Variants in NWD1 observed in about 807,000 individuals in gnomAD.
NWD1 encodes NACHT and WD repeat domain containing 1, also known as NACHT domain- and WD repeat-containing protein 1.
In NWD1, 129 loss-of-function variants were observed where a neutral mutation model predicts 135.1. That is an observed-to-expected ratio of 0.96 (90% CI 0.83 to 1.11). NWD1 has a LOEUF of 1.11. NWD1 is among the 50% of genes least tolerant of loss of function. The pLI, the probability that NWD1 is intolerant of heterozygous loss-of-function variation, is 0.00. For missense variants in NWD1, 1,740 were observed against 1,851.3 expected (o/e 0.94, Z 1.10); for synonymous variants, 773 against 786.0 (o/e 0.98, Z 0.28).
chr19:16,747,327 G>A (rs928958746), intron 5 of NWD1, among the ~76,000 whole-genome samples: 82 of 149,282 alleles, frequency 5.5e-4, no homozygotes, highest in African/African-American at 1.9e-3. Flanking sequence ...GAGCACCCGC[G>A]CCTGGCTGAC....
intron 6 of NWD1, among the ~76,000 whole-genome samples, chr19:16,757,001 C>T (rs530193974): frequency 1.2e-4 from 18 of 152,244 alleles, no homozygotes; most frequent in African/African-American, 3.9e-4. Flanking sequence ...CCCATCACCC[C>T]CAGATGGGAC....
chr19:16,721,358 G>A (rs1225808820), intron 1 of NWD1: 1 of 152,120 alleles, frequency 6.6e-6, no homozygotes, highest in Non-Finnish European at 1.5e-5. Flanking sequence ...GAGGTGAAAG[G>A]CAAGGTCAAA....
In NWD1 at chr19:16,799,960, C is replaced by A; in HGVS notation, c.3534C>A (p.Ala1178=). The change falls in exon 17 of 19, where the codon GCC becomes GCA. Residue 1178 remains alanine (A), a synonymous_variant. Coordinates refer to ENST00000524140, the MANE Select transcript of NWD1 (RefSeq NM_001007525.5). ...EGVGAPVSLL[A]RGGALVASAS... is the part of the protein sequence containing the mutation. ...TCGGGGCCCCCGTGAGCCTGCTGGC[C>A]CGCGGCGGGGCTTTGGTGGCATCTG... 6.2e-7 allele frequency: 1 copy of A among 1,614,144 alleles called. No individual in the cohort carries two copies. The highest frequency in any genetic ancestry group is 8.5e-7 in the Non-Finnish European group (1 of 1,179,982).
At chr19:16,788,960 C>G (rs1309864190) in intron 12 of NWD1, 22 bp from the exon 13 acceptor site, 1 of 1,589,958 alleles carries the variant, frequency 6.3e-7, no homozygotes, top group Middle Eastern at 2.3e-4. Context: ...AATATACTCT[C>G]CCCTACCCTG....
At chr19:16,789,956 G>A (rs988149521) in intron 13 of NWD1, among the ~76,000 whole-genome samples, 1 of 152,138 alleles carries the variant, frequency 6.6e-6, no homozygotes. Context: ...GACCTCAGGT[G>A]ATCCACCTGC....
At chr19:16,732,015 G>C (rs772946250) in intron 3 of NWD1, among the ~76,000 whole-genome samples, 1 of 151,726 alleles carries the variant, frequency 6.6e-6, no homozygotes, top group African/African-American at 2.4e-5. Context: ...TCAGAAACTC[G>C]AGACTAGCCT....
At chr19:16,733,866 C>T (rs1324058333) in intron 3 of NWD1, among the ~76,000 whole-genome samples, 2 of 152,070 alleles carry the variant, frequency 1.3e-5, no homozygotes, top group African/African-American at 4.8e-5. Flanking sequence ...CTTTCCTGCT[C>T]CTCTAACTCA....
At chr19:16,779,648 T>C (rs10405874) in intron 12 of NWD1, among the ~76,000 whole-genome samples, 183 bp downstream of exon 12, 6,975 of 152,262 alleles carry the variant, frequency 0.046, 200 homozygotes, top group African/African-American at 0.084. Context: ...CATTTCTTTT[T>C]CTTTTTAAAT....
chr19:16,765,013 C>T (rs1357887187), intron 9 of NWD1, 21 bp from the exon 10 acceptor site: 1 of 1,613,360 alleles, frequency 6.2e-7, no homozygotes. Context: ...TTCCCACATC[C>T]TCCCCCCTTC....
At chr19:16,796,649 C>G (rs1970425431) in intron 15 of NWD1, among the ~76,000 whole-genome samples, 1 of 151,858 alleles carries the variant, frequency 6.6e-6, no homozygotes, top group Non-Finnish European at 1.5e-5. Flanking sequence ...CCTCTTCTTC[C>G]TTCCTTCTTC....
chr19:16,765,039 A>G lies in NWD1; in HGVS notation c.2257A>G (p.Met753Val), dbSNP rs779952892. Residue 753 changes from methionine to valine, a missense_variant, in exon 10 of 19, where the codon ATG (methionine) becomes GTG (valine). Physicochemically the swap from Met to Val is conservative, Grantham distance 21. Transcript: ENST00000524140. The part of the protein sequence containing the change: ...EELKQEVLGS[M>V]SWISCRGISG... ...TCCCCCCTTCTCTCCCTCAGGCAGC[A>G]TGAGCTGGATTTCCTGCCGGGGCAT... The G allele has an allele frequency of 1.9e-6, 3 of 1,614,122 alleles. No individual in the cohort carries two copies. In the South Asian group the frequency reaches 3.3e-5, roughly 18 times the overall value.
At chr19:16,784,340 G>A (rs915304117) in intron 12 of NWD1, among the ~76,000 whole-genome samples, 7 of 152,022 alleles carry the variant, frequency 4.6e-5, no homozygotes, top group Non-Finnish European at 8.8e-5. Flanking sequence ...TGCTCCAGCC[G>A]GGGTAACACA....
At chr19:16,769,895 T>C (rs1018343642) in intron 10 of NWD1, among the ~76,000 whole-genome samples, 8 of 152,182 alleles carry the variant, frequency 5.3e-5, no homozygotes, top group African/African-American at 1.9e-4. Context: ...TGGAGTGCAA[T>C]GGCATGATCA....
rs1273485805 is a variant in NWD1, at chr19:16,800,180, A to G, written c.3736+18A>G. The G allele has an allele frequency of 6.3e-7, 1 of 1,584,690 alleles. No homozygotes were observed. The highest frequency in any genetic ancestry group is 1.8e-5 in the Admixed American group (1 of 56,532). ...GGCAGAAGGTTGGTAAGGTATAAGT[A>G]TGGTCATTTTTGTGGGTAAGGCTTG... On this transcript the variant is annotated intron_variant, in intron 17 of 18. Transcript: ENST00000524140.
At chr19:16,805,328 G>A (rs10401409) in intron 17 of NWD1, among the ~76,000 whole-genome samples, 9,026 of 152,036 alleles carry the variant, frequency 0.059, 416 homozygotes, top group African/African-American at 0.13. Context: ...CAAAGTGCTA[G>A]GATTACAGGT....
chr19:16,749,297 G>A lies in NWD1; in HGVS notation c.655G>A (p.Asp219Asn). The change falls in exon 6 of 19, where the codon GAT (aspartate) becomes AAT (asparagine). Residue 219 changes from aspartate to asparagine, a missense_variant. Physicochemically the swap from Asp to Asn is conservative, Grantham distance 23 (BLOSUM62 1). Transcript: ENST00000524140. ...DRLADGCLDA[D>N]AQNLLSSLKS... ...GCTCGCGGATGGCTGCCTGGACGCT[G>A]ATGCCCAGAACCTTCTCAGCAGCCT... 6.2e-7 allele frequency: 1 copy of A among 1,613,976 alleles called. No homozygotes were observed. Among genetic ancestry groups the A allele is most frequent in the Non-Finnish European group, 8.5e-7 (1 of 1,180,016 alleles).
chr19:16,769,674 G>A (rs982620753), intron 10 of NWD1, among the ~76,000 whole-genome samples: 4 of 152,146 alleles, frequency 2.6e-5, no homozygotes, highest in Non-Finnish European at 4.4e-5. Context: ...GCTGGGACTC[G>A]CCTCCCCCAG....
chr19:16,768,475 A>T (rs915382863), intron 10 of NWD1, among the ~76,000 whole-genome samples: 1 of 152,202 alleles, frequency 6.6e-6, no homozygotes, highest in Non-Finnish European at 1.5e-5. Context: ...TTTTGTGTTT[A>T]ACTTTTTGAG....
At chr19:16,785,219 T>C (rs1270619394) in intron 12 of NWD1, among the ~76,000 whole-genome samples, 1 of 151,794 alleles carries the variant, frequency 6.6e-6, no homozygotes, top group East Asian at 1.9e-4. Flanking sequence ...TTTAAAATTA[T>C]TAATGTGATA....
Sources: allele counts gnomAD v4.1 joint callset (sites outside exome capture counted in the v4.1 genomes callset), GRCh38; gene constraint gnomAD v4.1.1; transcripts MANE v1.5; gene names NCBI Gene and HGNC (gene_info 2026-07-23, HGNC 2026-07-21).